Variants in CTXND1 observed in about 807,000 individuals in gnomAD.
CTXND1 encodes the protein cortexin domain-containing 1 protein.
intron 1 of CTXND1, among the ~76,000 whole-genome samples, chr15:80,208,135 C>T (rs931649047): frequency 6.6e-5 from 10 of 150,628 alleles, no homozygotes; most frequent in Non-Finnish European, 1.5e-4. Context: ...AAGACGTTCA[C>T]TGCAGTATTG....
chr15:80,204,864 G>C (rs1329512637), intron 1 of CTXND1, among the ~76,000 whole-genome samples: 2 of 151,842 alleles, frequency 1.3e-5, no homozygotes, highest in African/African-American at 4.8e-5. Context: ...AACTTTTTGA[G>C]GATTAAATTG....
intron 1 of CTXND1, among the ~76,000 whole-genome samples, chr15:80,206,741 C>A (rs1191450309): frequency 6.6e-6 from 1 of 152,158 alleles, no homozygotes; most frequent in African/African-American, 2.4e-5. Flanking sequence ...TTTTAACTTT[C>A]ACCTCCTTTT....
intron 1 of CTXND1, among the ~76,000 whole-genome samples, chr15:80,247,963 C>T (rs1415558217): frequency 2.0e-5 from 3 of 152,080 alleles, no homozygotes; most frequent in African/African-American, 4.8e-5. Flanking sequence ...ATTGACCTAG[C>T]GAAAAAGTGC....
At chr15:80,213,257 G>A (rs999680462) in intron 1 of CTXND1, among the ~76,000 whole-genome samples, 2 of 152,190 alleles carry the variant, frequency 1.3e-5, no homozygotes, top group Non-Finnish European at 2.9e-5. Flanking sequence ...AGGCTTTGGA[G>A]TAATGTTGGA....
chr15:80,217,172 C>A (rs1893262727), intron 1 of CTXND1, among the ~76,000 whole-genome samples: 1 of 152,084 alleles, frequency 6.6e-6, no homozygotes, highest in African/African-American at 2.4e-5. Context: ...GCAAGCTGAA[C>A]CTCACTTCTG....
intron 1 of CTXND1, among the ~76,000 whole-genome samples, chr15:80,208,622 T>C (rs1229172969): frequency 6.6e-6 from 1 of 152,224 alleles, no homozygotes; most frequent in Non-Finnish European, 1.5e-5. Context: ...ACTCCTAACC[T>C]ATAGAACCAT....
intron 1 of CTXND1, among the ~76,000 whole-genome samples, chr15:80,207,817 C>T (rs1271979914): frequency 6.6e-6 from 1 of 152,156 alleles, no homozygotes; most frequent in Non-Finnish European, 1.5e-5. Context: ...GACAATATTC[C>T]TAGGGTGTTG....
At chr15:80,234,615 A>G (rs1479683040) in intron 1 of CTXND1, among the ~76,000 whole-genome samples, 2 of 151,836 alleles carry the variant, frequency 1.3e-5, no homozygotes, top group Non-Finnish European at 2.9e-5. Flanking sequence ...GTAGCTGGGA[A>G]TACCGGTGCA....
intron 1 of CTXND1, among the ~76,000 whole-genome samples, chr15:80,218,529 A>G (rs1893277769): frequency 6.6e-6 from 1 of 152,144 alleles, no homozygotes; most frequent in African/African-American, 2.4e-5. Context: ...TGATGTTTTA[A>G]AAGTATTGAT....
At chr15:80,217,730 A>G (rs1893269510) in intron 1 of CTXND1, among the ~76,000 whole-genome samples, 1 of 151,896 alleles carries the variant, frequency 6.6e-6, no homozygotes, top group Non-Finnish European at 1.5e-5. Context: ...TATTTTTTAT[A>G]GAGTCAAGGT....
chr15:80,238,765 G>A (rs994161740), intron 1 of CTXND1, among the ~76,000 whole-genome samples: 5 of 152,264 alleles, frequency 3.3e-5, no homozygotes, highest in East Asian at 3.9e-4. Flanking sequence ...GTGAGCCACC[G>A]TGCCTGGCCT....
chr15:80,215,756 T>C (rs928541504), intron 1 of CTXND1, among the ~76,000 whole-genome samples: 2 of 152,196 alleles, frequency 1.3e-5, no homozygotes, highest in Non-Finnish European at 2.9e-5. Context: ...AGAGCCCAAC[T>C]CAGCAGTGGC....
intron 1 of CTXND1, among the ~76,000 whole-genome samples, chr15:80,209,627 A>G (rs1893184137): frequency 6.6e-6 from 1 of 152,208 alleles, no homozygotes; most frequent in Non-Finnish European, 1.5e-5. Context: ...AGTCCTGCCA[A>G]ATGCTGTGAG....
intron 1 of CTXND1, among the ~76,000 whole-genome samples, chr15:80,204,647 G>A (rs1330422569): frequency 5.3e-5 from 7 of 131,390 alleles, no homozygotes; most frequent in African/African-American, 8.7e-5. Context: ...ATATTCCATT[G>A]TATATATATA....
At position 80,196,434 on chromosome 15, in the gene CTXND1, A is replaced by G. The variant is rs1409139741; in HGVS notation, c.*5336T>C. 3.3e-5 allele frequency: 5 copies of G among 152,186 alleles called. No homozygotes were observed. The highest frequency in any genetic ancestry group is 7.3e-5 in the Non-Finnish European group (5 of 68,034). 9.4% of individuals were successfully genotyped at this position (152,186 alleles called of 1,614,324 possible). ...GGGACTGCCAGAAAGTAGAGGGGCT[A>G]TGGAATGGGTGGTGGGAGAACAAGA... On this transcript the variant is annotated 3_prime_UTR_variant, in exon 3 of 3. Coordinates refer to ENST00000560778, the MANE Select transcript of CTXND1 (RefSeq NM_001352888.2).
intron 1 of CTXND1, among the ~76,000 whole-genome samples, chr15:80,237,336 G>GGAA (rs774070650): frequency 1.7e-3 from 177 of 101,572 alleles, no homozygotes; most frequent in Admixed American, 3.0e-3. Flanking sequence ...CAGTGTCTCA[G>GGAA]AAAAAAAAAA....
chr15:80,217,705 C>T (rs1034026640), intron 1 of CTXND1, among the ~76,000 whole-genome samples: 1 of 151,982 alleles, frequency 6.6e-6, no homozygotes, highest in African/African-American at 2.4e-5. Flanking sequence ...CACCACCATA[C>T]CGGGCTAATT....
chr15:80,242,468 T>G (rs1477515719), intron 1 of CTXND1, among the ~76,000 whole-genome samples: 1 of 152,226 alleles, frequency 6.6e-6, no homozygotes, highest in African/African-American at 2.4e-5. Context: ...TTTTCTAGAT[T>G]GGGGTATCAC....
At chr15:80,242,588 A>G (rs1413143850) in intron 1 of CTXND1, among the ~76,000 whole-genome samples, 1 of 152,228 alleles carries the variant, frequency 6.6e-6, no homozygotes, top group Non-Finnish European at 1.5e-5. Context: ...CCAGGTCACA[A>G]CACGGGGCCC....
Sources: allele counts gnomAD v4.1 joint callset (sites outside exome capture counted in the v4.1 genomes callset), GRCh38; gene constraint gnomAD v4.1.1; transcripts MANE v1.5; gene names NCBI Gene and HGNC (gene_info 2026-07-23, HGNC 2026-07-21).